The following SLC2A7 variants were observed in gnomAD, a reference collection of about 807,000 sequenced individuals.
SLC2A7 encodes the protein solute carrier family 2 member 7, also known as solute carrier family 2, facilitated glucose transporter member 7.
Under a neutral mutation model 50.5 loss-of-function variants are expected in SLC2A7, and 50 were observed. The observed-to-expected ratio is 0.99, with a 90% confidence interval of 0.79 to 1.25. SLC2A7 has a LOEUF of 1.25. Ranked by LOEUF, SLC2A7 falls within the 50% of genes most tolerant of loss-of-function variation. The pLI is 0.00. For missense variants in SLC2A7, 683 were observed against 679.1 expected, an observed-to-expected ratio of 1.01 and a Z score of -0.06; for synonymous variants, 308 against 300.4, an observed-to-expected ratio of 1.03 and a Z score of -0.26.
chr1:9,015,035 G>A, intron 6 of SLC2A7, 82 bp downstream of exon 6: 4 of 1,578,454 alleles, frequency 2.5e-6, no homozygotes, highest in Non-Finnish European at 3.4e-6. Context: ...GACCCATGGC[G>A]ACCCTGACTG....
At chr1:8,998,211 C>T (rs1640532796), downstream of SLC2A7, among the ~76,000 whole-genome samples, 1 of 152,096 alleles carries the variant, frequency 6.6e-6, no homozygotes, top group Non-Finnish European at 1.5e-5. Flanking sequence ...CAAGACCATC[C>T]TGGCTAACAT....
In SLC2A7 at chr1:9,022,979, A is replaced by G. The variant is rs1640934763; in HGVS notation, c.250T>C (p.Phe84Leu). 6.2e-7 allele frequency: 1 copy of G among 1,614,038 alleles called. No homozygotes were observed. Among genetic ancestry groups the G allele is most frequent in the Non-Finnish European group, 8.5e-7 (1 of 1,180,012 alleles). The stretch of plus-strand genomic sequence containing the variant: ...GACCCCAACAGGCCGCCCAGAGGAA[A>G]CATGGAGACGGTGCAAGACCATAGA... ...LLLWSCTVSM[F>L]PLGGLLGSLL... The change falls in exon 3 of 12, where the codon TTT (phenylalanine) becomes CTT (leucine). Residue 84 changes from phenylalanine (F) to leucine (L), a missense_variant. Coordinates refer to ENST00000400906, the MANE Select transcript of SLC2A7 (RefSeq NM_207420.3).
At chr1:9,022,323 G>A (rs1640923618) in intron 3 of SLC2A7, among the ~76,000 whole-genome samples, 2 of 152,144 alleles carry the variant, frequency 1.3e-5, no homozygotes, top group Admixed American at 1.3e-4. Context: ...TGGGAACCTT[G>A]GCCTGTGCAT....
rs985647854 is a variant in SLC2A7, at chr1:9,008,965, G to C, written c.1116+1178C>G. ...GAGGGAAACTTTAATTGATTTATGA[G>C]CATCACTAACACTGTTCGTCGCCAG... is the stretch of plus-strand genomic sequence containing the variant. On this transcript the variant is annotated intron_variant, in intron 9 of 11. Transcript: ENST00000400906. This position sits in a 1 kb window ranked among gnomAD's most constrained non-coding sequence, Gnocchi z 5.9. 6.6e-6 allele frequency among the ~76,000 whole-genome samples: 1 copy of C among 152,194 alleles called. No homozygotes were observed. Among genetic ancestry groups the C allele is most frequent in the Non-Finnish European group, 1.5e-5 (1 of 68,040 alleles).
intron 8 of SLC2A7, among the ~76,000 whole-genome samples, chr1:9,013,047 T>A (rs1326370315): frequency 1.3e-5 from 2 of 152,124 alleles, no homozygotes; most frequent in Non-Finnish European, 2.9e-5. Context: ...CCCACCACCA[T>A]GCCCAGCTCA....
the SLC2A7 span, among the ~76,000 whole-genome samples, chr1:8,994,356 G>A: frequency 1.3e-5 from 2 of 152,182 alleles, no homozygotes; most frequent in Admixed American, 6.5e-5. Context: ...AAAGTTCAAA[G>A]ACCTGCCCAG....
rs1640877248 is a variant in SLC2A7 at position 9,019,294 on chromosome 1, G to C, written c.351C>G (p.Ile117Met). The change falls in exon 4 of 12, where the codon ATC becomes ATG. Residue 117 changes from isoleucine (I) to methionine (M), a missense_variant. Coordinates refer to ENST00000400906, the MANE Select transcript of SLC2A7 (RefSeq NM_207420.3). ...TLLINNIFAIIPAILMGVSKV... is the reference protein window; with the variant it reads ...TLLINNIFAIMPAILMGVSKV... Reference sequence around the variant, plus strand: ...TGCTGACTCCCATCAGGATGGCGGGGATGATGGCAAAGATGTTGTTGATCA... The same window carrying C: ...TGCTGACTCCCATCAGGATGGCGGGCATGATGGCAAAGATGTTGTTGATCA... 3 of 1,614,026 alleles carry C rather than the reference G, an allele frequency of 1.9e-6. No homozygotes were observed. Among genetic ancestry groups the C allele is most frequent in the African/African-American group, 2.7e-5 (2 of 74,926 alleles).
downstream of SLC2A7, among the ~76,000 whole-genome samples, chr1:9,000,705 G>A (rs1640561658): frequency 2.6e-5 from 4 of 151,998 alleles, no homozygotes; most frequent in Admixed American, 2.6e-4. Context: ...GTGGGCCGGA[G>A]TGACTGACTA....
At chr1:9,021,289 C>T (rs148409935) in intron 3 of SLC2A7, among the ~76,000 whole-genome samples, 262 of 152,244 alleles carry the variant, frequency 1.7e-3, no homozygotes, top group African/African-American at 5.8e-3. Context: ...GGATTACTGG[C>T]GCGAGCCCCC....
chr1:9,005,899 G>T (rs560893310), intron 10 of SLC2A7, among the ~76,000 whole-genome samples: 1 of 152,230 alleles, frequency 6.6e-6, no homozygotes, highest in East Asian at 1.9e-4. Context: ...GCAAACTCCT[G>T]CAGCCCAGTG....
intron 1 of SLC2A7, among the ~76,000 whole-genome samples, 189 bp from the exon 2 acceptor site, chr1:9,025,263 C>G (rs1210147540): frequency 6.6e-6 from 1 of 152,178 alleles, no homozygotes; most frequent in Non-Finnish European, 1.5e-5. Flanking sequence ...TGCACGCATT[C>G]ATTCCCTCCT....
intron 7 of SLC2A7, among the ~76,000 whole-genome samples, chr1:9,014,367 G>A (rs1423720290): frequency 6.6e-6 from 1 of 152,234 alleles, no homozygotes; most frequent in Non-Finnish European, 1.5e-5. Context: ...ACCCAGGCCT[G>A]GTGACCTGAG....
At chr1:9,000,244 GC>G (rs1189966167), downstream of SLC2A7, among the ~76,000 whole-genome samples, 1 of 152,064 alleles carries the variant, frequency 6.6e-6, no homozygotes, top group Non-Finnish European at 1.5e-5. Context: ...GATTGCTTGA[GC>G]CAAGAAGTTC....
In SLC2A7 at chr1:9,015,460, C is replaced by T. The variant is rs371221829; in HGVS notation, c.590-218G>A. 2.4e-4 allele frequency among the ~76,000 whole-genome samples: 37 copies of T among 152,264 alleles called. No individual in the cohort carries two copies. The East Asian group carries it at 2.9e-3, about 12-fold the overall frequency. ...ATTAATTATTTTGCAGGAAGAACAC[C>T]GTTTCTCTAAAGAATAGGCAATGAT... On this transcript the variant is annotated intron_variant, in intron 5 of 11. Transcript: ENST00000400906.
chr1:9,022,949 G>C lies in SLC2A7; in HGVS notation c.280C>G (p.Leu94Val). 6.2e-7 allele frequency: 1 copy of C among 1,614,060 alleles called. No homozygotes were observed. The highest frequency in any genetic ancestry group is 1.1e-5 in the South Asian group (1 of 91,076). The change falls in exon 3 of 12, where the codon CTC (leucine) becomes GTC (valine). Residue 94 changes from leucine to valine, a missense_variant. Transcript: ENST00000400906. The part of the protein sequence containing the change: ...FPLGGLLGSL[L>V]VGLLVDSCGR... Reference sequence around the variant, plus strand: ...CAGCTATCAACCAGCAGGCCCACGAGCAATGACCCCAACAGGCCGCCCAGA... The same window carrying C: ...CAGCTATCAACCAGCAGGCCCACGACCAATGACCCCAACAGGCCGCCCAGA...
Position 9,013,524 on chromosome 1 carries a change from C to T in SLC2A7, c.1014+1G>A, listed in dbSNP as rs369072945. 6.2e-7 allele frequency: 1 copy of T among 1,612,722 alleles called. No homozygotes were observed. Among genetic ancestry groups the T allele is most frequent in the African/African-American group, 1.3e-5 (1 of 74,902 alleles). ...AGGAAGGATGCCTCCTGCTCACTCA[C>T]CGAGGTGATGGTCATCACTATGTTG... On this transcript the variant is annotated splice_donor_variant, in intron 8 of 11. Coordinates refer to ENST00000400906, the MANE Select transcript of SLC2A7 (RefSeq NM_207420.3). LOFTEE classifies it high-confidence loss of function.
chr1:8,994,490 T>TG, the SLC2A7 span, among the ~76,000 whole-genome samples: 1 of 152,118 alleles, frequency 6.6e-6, no homozygotes, highest in Admixed American at 6.6e-5. Flanking sequence ...GCTTAGAACT[T>TG]GGAGCCATGG....
rs1640724706 is a variant in SLC2A7, at chr1:9,010,168, A to G, written c.1091T>C (p.Val364Ala). ...GYGICGSACL[V>A]LTVVLLFQNR... ...CTGGAATAGGAGCACCACCGTCAGCACCAGGCAGGCAGAGCCGCAGATGCC... is the reference window on the plus strand; with the variant it reads ...CTGGAATAGGAGCACCACCGTCAGCGCCAGGCAGGCAGAGCCGCAGATGCC... Residue 364 changes from valine to alanine, a missense_variant, in exon 9 of 12, where the codon GTG becomes GCG. Physicochemically the swap from Val to Ala is moderately conservative, Grantham distance 64 (BLOSUM62 0). Transcript: ENST00000400906. The G allele has an allele frequency of 6.4e-7, 1 of 1,552,522 alleles. No individual in the cohort carries two copies. The highest frequency in any genetic ancestry group is 8.7e-7 in the Non-Finnish European group (1 of 1,147,532).
In SLC2A7 at chr1:9,003,506, C is replaced by G. The variant is rs1313379876; in HGVS notation, c.1333G>C (p.Ala445Pro). 25 of 1,614,022 alleles carry G rather than the reference C, an allele frequency of 1.5e-5. No homozygotes were observed. Among genetic ancestry groups the G allele is most frequent in the African/African-American group, 2.7e-5 (2 of 74,894 alleles). ...CCGGCAAAGATGATGAAACTGTAGG[C>G]ACCGATGGCCTCCTAGACCAGGAGA... ...LFPSIQEAIG[A>P]YSFIIFAGIC... The change falls in exon 12 of 12, where the codon GCC (alanine) becomes CCC (proline). Residue 445 changes from alanine (A) to proline (P), a missense_variant. Physicochemically the swap from Ala to Pro is conservative, Grantham distance 27. Coordinates refer to ENST00000400906, the MANE Select transcript of SLC2A7 (RefSeq NM_207420.3).
Sources: gnomAD v4.1 joint callset for allele counts (sites outside exome capture counted in the v4.1 genomes callset) on GRCh38, gnomAD v4.1.1 for gene constraint, Gnocchi (gnomAD v3.1) non-coding constraint, MANE v1.5 for transcripts, NCBI Gene and HGNC (gene_info 2026-07-23, HGNC 2026-07-21) for gene names.